Variants in RGS10 observed in about 807,000 individuals in gnomAD.
RGS10 encodes regulator of G-protein signalling 10.
In RGS10, 11 loss-of-function variants were observed where a neutral mutation model predicts 23.5. That is an observed-to-expected ratio of 0.47 (90% CI 0.29 to 0.77). The LOEUF is 0.77. RGS10 is among the 30% of genes least tolerant of loss of function. The pLI is 0.08. For synonymous variants in RGS10, 77 were observed against 83.2 expected (o/e 0.92, Z 0.41); for missense variants, 180 against 226.3 (o/e 0.80, Z 1.31).
intron 3 of RGS10, among the ~76,000 whole-genome samples, chr10:119,522,722 A>G (rs1315782771): frequency 1.5e-5 from 2 of 131,036 alleles, no homozygotes; most frequent in African/African-American, 5.1e-5. Flanking sequence ...CCGTCTCAAA[A>G]AAAAAAAAAA....
intron 1 of RGS10, chr10:119,536,369 G>A: frequency 8.7e-7 from 1 of 1,152,200 alleles, no homozygotes; most frequent in Non-Finnish European, 1.3e-6. Context: ...GCACCTCTGT[G>A]TCCTCACAGC....
intron 1 of RGS10, among the ~76,000 whole-genome samples, chr10:119,540,769 A>G (rs1410065464): frequency 1.3e-5 from 2 of 152,238 alleles, no homozygotes; most frequent in East Asian, 3.8e-4. Flanking sequence ...TAACGCGTAC[A>G]GGGCTATTCA....
chr10:119,500,487 A>C (rs150488157), intron 4 of RGS10, among the ~76,000 whole-genome samples: 5 of 152,062 alleles, frequency 3.3e-5, no homozygotes, highest in African/African-American at 4.8e-5. Context: ...ACATGAACAA[A>C]TATGCCTTTA....
chr10:119,521,589 G>A (rs868672559), intron 3 of RGS10, among the ~76,000 whole-genome samples: 3 of 134,354 alleles, frequency 2.2e-5, no homozygotes, highest in Non-Finnish European at 4.7e-5. Flanking sequence ...AGAAAGAAAG[G>A]AAGGAAGGAA....
At chr10:119,514,830 G>A (rs574648192) in intron 4 of RGS10, among the ~76,000 whole-genome samples, 1 of 152,014 alleles carries the variant, frequency 6.6e-6, no homozygotes, top group Non-Finnish European at 1.5e-5. Context: ...GGGTGGGGTC[G>A]ATATCCTCAT....
intron 1 of RGS10, among the ~76,000 whole-genome samples, chr10:119,537,453 A>G (rs6585550): frequency 0.84 from 126,543 of 151,380 alleles, 53,264 homozygotes; most frequent in Middle Eastern, 0.92. Flanking sequence ...AAACTTTGCA[A>G]CAATCCTTGC....
chr10:119,518,862 G>A (rs537194247), intron 3 of RGS10, among the ~76,000 whole-genome samples: 10 of 152,044 alleles, frequency 6.6e-5, no homozygotes, highest in South Asian at 4.2e-4. Flanking sequence ...CCGCCACCAC[G>A]CCCGGCTAAT....
At chr10:119,528,585 G>A (rs1189181868) in intron 1 of RGS10, among the ~76,000 whole-genome samples, 5 of 152,174 alleles carry the variant, frequency 3.3e-5, no homozygotes, top group African/African-American at 1.2e-4. Context: ...TAGGCTGGGT[G>A]CAGTGGCTCA....
intron 4 of RGS10, among the ~76,000 whole-genome samples, chr10:119,501,033 C>T (rs940234316): frequency 2.6e-5 from 4 of 152,186 alleles, no homozygotes; most frequent in African/African-American, 9.6e-5. Context: ...GTAGCTTCCT[C>T]TGGCCGCCAC....
At chr10:119,528,660 C>T (rs568850785) in intron 1 of RGS10, among the ~76,000 whole-genome samples, 122 of 151,844 alleles carry the variant, frequency 8.0e-4, no homozygotes, top group African/African-American at 2.6e-3. Flanking sequence ...GGAGTGAAAC[C>T]TCATCTCTAC....
At chr10:119,526,156 CT>C in intron 2 of RGS10, 38 bp from the exon 3 acceptor site, 12 of 1,099,468 alleles carry the variant, frequency 1.1e-5, no homozygotes, top group South Asian at 3.1e-5. Flanking sequence ...CAGTATTCTA[CT>C]TTAAAAAAAA....
At chr10:119,511,712 G>A (rs1844077942) in intron 4 of RGS10, among the ~76,000 whole-genome samples, 1 of 152,052 alleles carries the variant, frequency 6.6e-6, no homozygotes, top group Non-Finnish European at 1.5e-5. Flanking sequence ...TGATGGTTTG[G>A]GGTCACCAGG....
chr10:119,531,743 C>T (rs1244123758), intron 1 of RGS10, among the ~76,000 whole-genome samples: 1 of 152,170 alleles, frequency 6.6e-6, no homozygotes, highest in African/African-American at 2.4e-5. Flanking sequence ...ATACTGGGAC[C>T]TGTATGGGAG....
chr10:119,527,725 C>T lies in RGS10; in HGVS notation c.50-301G>A, dbSNP rs1251450734. Among the ~76,000 whole-genome samples the T allele has an allele frequency of 6.6e-6, 1 of 152,182 alleles. No homozygotes were observed. Among genetic ancestry groups the T allele is most frequent in the African/African-American group, 2.4e-5 (1 of 41,430 alleles). On this transcript the variant is annotated intron_variant, in intron 1 of 4. Transcript: ENST00000369103. The surrounding 1 kb of genome is among the most constrained non-coding windows in gnomAD (Gnocchi z 4.2). Reference sequence around the variant, plus strand: ...TTGTGTCCACTGGCCAATTCAGAGGCAGCCCTCAAGTCACACTCAAACCCT... The same window carrying T: ...TTGTGTCCACTGGCCAATTCAGAGGTAGCCCTCAAGTCACACTCAAACCCT...
intron 4 of RGS10, among the ~76,000 whole-genome samples, chr10:119,500,916 G>C (rs774961709): frequency 6.6e-6 from 1 of 152,114 alleles, no homozygotes. Flanking sequence ...ACAACTCTAA[G>C]GTATGTCAGG....
intron 1 of RGS10, among the ~76,000 whole-genome samples, chr10:119,534,633 G>A (rs1844368167): frequency 1.4e-5 from 2 of 143,368 alleles, no homozygotes; most frequent in South Asian, 4.4e-4. Flanking sequence ...GCTCACGCCT[G>A]TAATCCCAGC....
Position 119,527,463 on chromosome 10 carries a change from A to C in RGS10, c.50-39T>G. ...TTCAGACTGCATATGTGGCCAACAG[A>C]CACTGTCATTTTAAGAAATCTGCAT... On this transcript the variant is annotated intron_variant, in intron 1 of 4. Transcript: ENST00000369103. The surrounding 1 kb of genome is among the most constrained non-coding windows in gnomAD (Gnocchi z 4.2). 6.7e-7 allele frequency: 1 copy of C among 1,493,062 alleles called. No individual in the cohort carries two copies. The highest frequency in any genetic ancestry group is 2.3e-5 in the East Asian group (1 of 44,216). 92.5% of individuals were successfully genotyped at this position (1,493,062 alleles called of 1,614,324 possible). A position where few individuals can be genotyped will look rare whatever the true frequency, so the allele number is the denominator to read the frequency against.
At chr10:119,518,612 C>T (rs769614547) in intron 3 of RGS10, among the ~76,000 whole-genome samples, 5 of 152,178 alleles carry the variant, frequency 3.3e-5, no homozygotes, top group Non-Finnish European at 7.4e-5. Context: ...ACACTGGCCC[C>T]GCCCTCCCCA....
intron 1 of RGS10, among the ~76,000 whole-genome samples, chr10:119,534,879 ACT>A (rs1394551501): frequency 6.6e-6 from 1 of 152,082 alleles, no homozygotes. Flanking sequence ...ACAGAGCAAG[ACT>A]CTGTCTCAAA....
Sources: gnomAD v4.1 joint callset for allele counts (sites outside exome capture counted in the v4.1 genomes callset) on GRCh38, gnomAD v4.1.1 for gene constraint, Gnocchi (gnomAD v3.1) non-coding constraint, MANE v1.5 for transcripts, NCBI Gene and HGNC (gene_info 2026-07-23, HGNC 2026-07-21) for gene names.